Variants in SPECC1L observed in about 807,000 individuals in gnomAD.
SPECC1L encodes the protein cytospin-A.
In SPECC1L, 40 loss-of-function variants were observed where a neutral mutation model predicts 116.8. That is an observed-to-expected ratio of 0.34 (90% CI 0.27 to 0.45). The LOEUF is 0.45. Among genes scored for constraint, SPECC1L ranks in the 20% least tolerant of loss-of-function variants. SPECC1L has a pLI of 1.00. For synonymous variants in SPECC1L, 504 were observed against 500.6 expected (o/e 1.01, Z -0.09); for missense variants, 1,110 against 1,373.6 (o/e 0.81, Z 3.03).
chr22:24,271,167 T>G (rs1156956462), intron 1 of SPECC1L, among the ~76,000 whole-genome samples, 184 bp downstream of exon 1: 1 of 152,230 alleles, frequency 6.6e-6, no homozygotes, highest in African/African-American at 2.4e-5. Context: ...CGCGCCGTCC[T>G]CGTTCTGGGC....
chr22:24,332,658 A>G lies in SPECC1L; in HGVS notation c.2397-1752A>G, dbSNP rs576608791. ...TTAGCTGTTTACTCTTAAGCCAGACATTAAAGAGATGATTTAAAAATGCAA... is the reference window on the plus strand; with the variant it reads ...TTAGCTGTTTACTCTTAAGCCAGACGTTAAAGAGATGATTTAAAAATGCAA... On this transcript the variant is annotated intron_variant, in intron 8 of 16. Coordinates refer to ENST00000314328, the MANE Select transcript of SPECC1L (RefSeq NM_015330.6). Among the ~76,000 whole-genome samples, 18 of 152,228 alleles carry G rather than the reference A, an allele frequency of 1.2e-4. No homozygotes were observed. The South Asian group carries it at 1.4e-3, about 12-fold the overall frequency.
At chr22:24,400,811 C>T (rs1304779093) in intron 14 of SPECC1L, among the ~76,000 whole-genome samples, 4 of 152,204 alleles carry the variant, frequency 2.6e-5, no homozygotes, top group African/African-American at 7.2e-5. Flanking sequence ...TAGTGACTAA[C>T]CGTGTTGAGC....
chr22:24,411,820 C>A, intron 15 of SPECC1L, 116 bp downstream of exon 15: 1 of 861,286 alleles, frequency 1.2e-6, no homozygotes, highest in Non-Finnish European at 2.0e-6. Context: ...GCGATTGCCT[C>A]GTGCCATCTG....
chr22:24,285,538 G>A (rs1244775904), intron 2 of SPECC1L, among the ~76,000 whole-genome samples: 1 of 152,072 alleles, frequency 6.6e-6, no homozygotes, highest in East Asian at 1.9e-4. Flanking sequence ...ATACAAGCCA[G>A]CAAATGTCCC....
At chr22:24,399,639 G>A (rs762519196) in intron 14 of SPECC1L, among the ~76,000 whole-genome samples, 1 of 152,150 alleles carries the variant, frequency 6.6e-6, no homozygotes, top group Non-Finnish European at 1.5e-5. Flanking sequence ...TTTTTGTGAA[G>A]CTTCAATATA....
intron 10 of SPECC1L, among the ~76,000 whole-genome samples, chr22:24,342,090 A>G (rs2041187909): frequency 6.6e-6 from 1 of 152,282 alleles, no homozygotes; most frequent in Non-Finnish European, 1.5e-5. Flanking sequence ...TTTGTCATGC[A>G]GCATAGGTAA....
At chr22:24,301,722 T>C (rs997636122) in intron 2 of SPECC1L, among the ~76,000 whole-genome samples, 1 of 152,154 alleles carries the variant, frequency 6.6e-6, no homozygotes, top group African/African-American at 2.4e-5. Flanking sequence ...AGGGGTCATC[T>C]GTGTATTGTT....
chr22:24,271,826 C>T (rs1380783591), intron 1 of SPECC1L, among the ~76,000 whole-genome samples: 1 of 152,174 alleles, frequency 6.6e-6, no homozygotes, highest in African/African-American at 2.4e-5. Context: ...CGTGAACAGC[C>T]CAGGTGATTT....
intron 14 of SPECC1L, among the ~76,000 whole-genome samples, chr22:24,383,923 G>T (rs1185903092): frequency 8.0e-5 from 12 of 149,484 alleles, no homozygotes; most frequent in Non-Finnish European, 1.5e-5. Context: ...AAAGTGCTGG[G>T]ATTACAGGCG....
chr22:24,407,974 C>T (rs1006711420), intron 14 of SPECC1L, among the ~76,000 whole-genome samples: 1 of 152,236 alleles, frequency 6.6e-6, no homozygotes, highest in Non-Finnish European at 1.5e-5. Flanking sequence ...TGATACACCT[C>T]ACTTTGAATG....
At chr22:24,379,181 G>A (rs775096881) in intron 14 of SPECC1L, among the ~76,000 whole-genome samples, 2 of 151,792 alleles carry the variant, frequency 1.3e-5, no homozygotes, top group African/African-American at 2.4e-5. Context: ...TGAGACCAGC[G>A]TTGGCAACAT....
intron 11 of SPECC1L, among the ~76,000 whole-genome samples, chr22:24,355,238 G>A (rs1222908407): frequency 7.0e-6 from 1 of 142,832 alleles, no homozygotes; most frequent in Non-Finnish European, 1.5e-5. Flanking sequence ...AGCCAGGATC[G>A]TGCCACTGCA....
intron 2 of SPECC1L, among the ~76,000 whole-genome samples, chr22:24,280,171 G>A (rs1407414587): frequency 1.3e-5 from 2 of 151,760 alleles, no homozygotes; most frequent in Admixed American, 6.6e-5. Context: ...AAATGAATTG[G>A]GGGGTAATCA....
At chr22:24,317,516 G>T (rs1405773981) in intron 4 of SPECC1L, among the ~76,000 whole-genome samples, 1 of 128,842 alleles carries the variant, frequency 7.8e-6, no homozygotes, top group Non-Finnish European at 1.8e-5. Context: ...GGACGGGGCG[G>T]CTGGCCAGGC....
chr22:24,375,454 G>C (rs1294052002), intron 14 of SPECC1L, among the ~76,000 whole-genome samples: 1 of 152,112 alleles, frequency 6.6e-6, no homozygotes, highest in African/African-American at 2.4e-5. Flanking sequence ...CTGACCAAGT[G>C]TTCTTTATCC....
At chr22:24,287,503 A>G (rs1344343351) in intron 2 of SPECC1L, among the ~76,000 whole-genome samples, 22 of 152,274 alleles carry the variant, frequency 1.4e-4, no homozygotes, top group South Asian at 2.1e-4. Context: ...GAAGGAGGGA[A>G]TGCCGCGAGG....
At chr22:24,333,214 C>T (rs1448411076) in intron 8 of SPECC1L, among the ~76,000 whole-genome samples, 2 of 151,890 alleles carry the variant, frequency 1.3e-5, no homozygotes, top group African/African-American at 2.4e-5. Flanking sequence ...ACAACAAGAG[C>T]GAAACTCCAT....
intron 2 of SPECC1L, among the ~76,000 whole-genome samples, chr22:24,291,384 C>G (rs1048490233): frequency 2.0e-5 from 3 of 152,214 alleles, no homozygotes; most frequent in African/African-American, 7.2e-5. Context: ...CAATCCAGGT[C>G]TCTTGATTTT....
intron 5 of SPECC1L, among the ~76,000 whole-genome samples, chr22:24,324,008 G>A (rs1167845270): frequency 6.6e-6 from 1 of 152,148 alleles, no homozygotes; most frequent in African/African-American, 2.4e-5. Context: ...TATAATTTCA[G>A]TCAGTGTTAC....
Sources: gnomAD v4.1 joint callset for allele counts (sites outside exome capture counted in the v4.1 genomes callset) on GRCh38, gnomAD v4.1.1 for gene constraint, MANE v1.5 for transcripts, NCBI Gene and HGNC (gene_info 2026-07-23, HGNC 2026-07-21) for gene names.